NOSTRIN: variants seen among roughly 807,000 people sequenced by gnomAD.
NOSTRIN encodes nitric oxide synthase trafficking, also known as BM247 homolog.
In NOSTRIN, 63 loss-of-function variants were observed where a neutral mutation model predicts 59.0. That is an observed-to-expected ratio of 1.07 (90% CI 0.87 to 1.32). The LOEUF (loss-of-function observed/expected upper bound fraction) is 1.32, where lower values mean the gene tolerates loss of function less well. Ranked by LOEUF, NOSTRIN falls within the 40% of genes most tolerant of loss-of-function variation. The probability of loss-of-function intolerance (pLI) is 0.00; values close to 1 mark genes in which losing one functional copy is unlikely to be tolerated. For missense variants in NOSTRIN, 512 were observed against 473.1 expected (o/e 1.08, Z -0.76); for synonymous variants, 200 against 165.4 (o/e 1.21, Z -1.61).
rs868363203 is a variant in NOSTRIN, at chr2:168,858,652, G to C, written c.1054-860G>C. ...AAAGCATGGGGGAGCTTTTAGTTTTGTCTTAGGTAAGCCTGCCCCACAATG... is the reference window on the plus strand; with the variant it reads ...AAAGCATGGGGGAGCTTTTAGTTTTCTCTTAGGTAAGCCTGCCCCACAATG... On this transcript the variant is annotated intron_variant, in intron 12 of 15. Transcript: ENST00000317647. 3.3e-5 allele frequency among the ~76,000 whole-genome samples: 5 copies of C among 152,316 alleles called. 1 individual carries two copies. In the South Asian group the frequency reaches 8.3e-4, roughly 25 times the overall value.
intron 1 of NOSTRIN, among the ~76,000 whole-genome samples, chr2:168,810,136 G>C (rs1470609914): frequency 6.6e-6 from 1 of 152,070 alleles, no homozygotes; most frequent in Non-Finnish European, 1.5e-5. Context: ...ACTCATTCAG[G>C]TGCCTGACTG....
intron 2 of NOSTRIN, among the ~76,000 whole-genome samples, chr2:168,789,342 A>G (rs141976509): frequency 6.6e-6 from 1 of 152,344 alleles, no homozygotes; most frequent in Non-Finnish European, 1.5e-5. Context: ...TTCCACATGG[A>G]TGGGGAGACC....
At chr2:168,794,880 A>G (rs1685442868), upstream of NOSTRIN, among the ~76,000 whole-genome samples, 3 of 152,238 alleles carry the variant, frequency 2.0e-5, no homozygotes, top group South Asian at 6.2e-4. Context: ...CAGGTGTGCC[A>G]CTGCACCTGG....
chr2:168,809,914 G>A (rs921646713), intron 1 of NOSTRIN, among the ~76,000 whole-genome samples: 1 of 152,068 alleles, frequency 6.6e-6, no homozygotes, highest in Non-Finnish European at 1.5e-5. Flanking sequence ...CTCACTACAA[G>A]TGTGTTTTGT....
upstream of NOSTRIN, among the ~76,000 whole-genome samples, chr2:168,800,906 C>G (rs1453052495): frequency 2.7e-5 from 2 of 73,860 alleles, no homozygotes; most frequent in Admixed American, 1.5e-4. Flanking sequence ...CTCTAAATTT[C>G]TTTTAAAAAA....
At chr2:168,819,056 C>G (rs475808) in intron 2 of NOSTRIN, among the ~76,000 whole-genome samples, 105,016 of 151,844 alleles carry the variant, frequency 0.69, 36,603 homozygotes, top group East Asian at 0.88. Context: ...GAAAAAAATG[C>G]AAAAGGGCTA....
Position 168,828,493 on chromosome 2 carries a change from A to AG in NOSTRIN, c.335dup (p.Ser114IlefsTer3). ...AGTCCTAAATGTACAAGAGAAGAAGAGAAAATCAGTGAGTCCAAACCTTTC... is the reference window on the plus strand; with the variant it reads ...AGTCCTAAATGTACAAGAGAAGAAGAGGAAAATCAGTGAGTCCAAACCTTTC... On this transcript the variant is annotated frameshift_variant, in exon 5 of 16. Coordinates refer to ENST00000317647, the MANE Select transcript of NOSTRIN (RefSeq NM_001039724.4). LOFTEE classifies it high-confidence loss of function. 1 of 870,482 alleles carries AG rather than the reference A, an allele frequency of 1.1e-6. No homozygotes were observed. Among genetic ancestry groups the AG allele is most frequent in the Non-Finnish European group, 2.0e-6 (1 of 501,120 alleles). 53.9% of individuals were successfully genotyped at this position (870,482 alleles called of 1,614,324 possible). A position where few individuals can be genotyped will look rare whatever the true frequency, so the allele number is the denominator to read the frequency against.
chr2:168,833,631 C>T (rs1687498389), intron 6 of NOSTRIN, among the ~76,000 whole-genome samples: 1 of 152,184 alleles, frequency 6.6e-6, no homozygotes, highest in South Asian at 2.1e-4. Flanking sequence ...AAAGGGTCAG[C>T]ATGAACAGGG....
chr2:168,852,194 A>T (rs1337292709), intron 10 of NOSTRIN, among the ~76,000 whole-genome samples: 1 of 152,140 alleles, frequency 6.6e-6, no homozygotes, highest in Non-Finnish European at 1.5e-5. Flanking sequence ...GGTGTGAGGG[A>T]AGATCACCCA....
intron 7 of NOSTRIN, among the ~76,000 whole-genome samples, chr2:168,835,224 A>G (rs2105676164): frequency 6.6e-6 from 1 of 151,972 alleles, no homozygotes; most frequent in East Asian, 1.9e-4. Flanking sequence ...ACAGGTGTGC[A>G]CCACCATGCT....
chr2:168,826,358 A>G (rs899263704), intron 3 of NOSTRIN, among the ~76,000 whole-genome samples: 1 of 152,212 alleles, frequency 6.6e-6, no homozygotes, highest in African/African-American at 2.4e-5. Context: ...ATTTTTATCC[A>G]TACCGAAATC....
intron 8 of NOSTRIN, among the ~76,000 whole-genome samples, chr2:168,849,921 T>TTGTTTG (rs779014023): frequency 7.1e-6 from 1 of 140,228 alleles, no homozygotes; most frequent in Non-Finnish European, 1.6e-5. Context: ...TTTTCTCATT[T>TTGTTTG]TTTTTTTTTT....
intron 2 of NOSTRIN, among the ~76,000 whole-genome samples, chr2:168,816,003 T>C (rs1686376245): frequency 6.6e-6 from 1 of 152,172 alleles, no homozygotes; most frequent in Non-Finnish European, 1.5e-5. Flanking sequence ...ATCCACAGCT[T>C]TCTTTTTATT....
intron 7 of NOSTRIN, among the ~76,000 whole-genome samples, chr2:168,838,288 A>G (rs1687858239): frequency 6.6e-6 from 1 of 152,136 alleles, no homozygotes; most frequent in South Asian, 2.1e-4. Context: ...CTCAAACCAG[A>G]TCCTTCAGTG....
At chr2:168,811,707 A>T (rs1686144882) in intron 2 of NOSTRIN, 55 bp downstream of exon 2, 2 of 745,474 alleles carry the variant, frequency 2.7e-6, no homozygotes, top group Non-Finnish European at 4.7e-6. Flanking sequence ...GTAGCAAGTG[A>T]TATGACTGGA....
At chr2:168,817,887 A>G (rs1686497487) in intron 2 of NOSTRIN, among the ~76,000 whole-genome samples, 1 of 152,320 alleles carries the variant, frequency 6.6e-6, no homozygotes, top group South Asian at 2.1e-4. Flanking sequence ...ATGTCTTTCA[A>G]GTTGCCGGTA....
At chr2:168,839,569 A>G (rs182664069) in intron 7 of NOSTRIN, among the ~76,000 whole-genome samples, 62 of 152,300 alleles carry the variant, frequency 4.1e-4, no homozygotes, top group Admixed American at 3.7e-3. Context: ...AAAGAAGTCA[A>G]TCTTTGACAA....
intron 7 of NOSTRIN, among the ~76,000 whole-genome samples, 182 bp downstream of exon 7, chr2:168,834,507 G>GCGCGCACACACACACACACACACACA (rs756381301): frequency 4.8e-5 from 6 of 125,342 alleles, no homozygotes; most frequent in African/African-American, 1.5e-4. Flanking sequence ...GCGCGCGCGC[G>GCGCGCACACACACACACACACACACA]CACACACACA....
intron 2 of NOSTRIN, among the ~76,000 whole-genome samples, chr2:168,789,755 CCT>C (rs1484198427): frequency 6.6e-6 from 1 of 152,162 alleles, no homozygotes; most frequent in Non-Finnish European, 1.5e-5. Flanking sequence ...TTGCTAGTAA[CCT>C]TGGGAAGCTG....
Sources: gnomAD v4.1 joint callset for allele counts (sites outside exome capture counted in the v4.1 genomes callset) on GRCh38, gnomAD v4.1.1 for gene constraint, MANE v1.5 for transcripts, NCBI Gene and HGNC (gene_info 2026-07-23, HGNC 2026-07-21) for gene names.